The following ATXN1 variants were observed in gnomAD, a reference collection of about 807,000 sequenced individuals.
ATXN1 encodes ataxin 1.
A neutral mutation model predicts 56.4 loss-of-function variants in ATXN1; 8 were observed. The ratio of observed to expected loss-of-function variants is 0.14; its 90% CI spans 0.08 to 0.26. The LOEUF (loss-of-function observed/expected upper bound fraction) is 0.26, where lower values mean the gene tolerates loss of function less well. Ranked by LOEUF, ATXN1 falls within the 10% of genes least tolerant of loss-of-function variation. The pLI is 1.00. For missense variants in ATXN1, 987 were observed against 1,106.5 expected, an observed-to-expected ratio of 0.89 and a Z score of 1.53; for synonymous variants, 514 against 494.6, an observed-to-expected ratio of 1.04 and a Z score of -0.52.
At chr6:16,436,177 C>T (rs776296645) in intron 6 of ATXN1, among the ~76,000 whole-genome samples, 5 of 152,108 alleles carry the variant, frequency 3.3e-5, no homozygotes, top group South Asian at 2.1e-4. Flanking sequence ...GGATTACAGG[C>T]GTGAGCCACC....
At chr6:16,407,872 AC>A (rs1321531964) in intron 6 of ATXN1, among the ~76,000 whole-genome samples, 1 of 152,210 alleles carries the variant, frequency 6.6e-6, no homozygotes, top group Non-Finnish European at 1.5e-5. Context: ...AGAAAAAGAA[AC>A]AGGCAGTGAC....
intron 6 of ATXN1, among the ~76,000 whole-genome samples, chr6:16,404,265 T>C (rs961377380): frequency 6.6e-6 from 1 of 151,922 alleles, no homozygotes; most frequent in African/African-American, 2.4e-5. Flanking sequence ...TCTTGGAGAG[T>C]TCTTTAAAGC....
At chr6:16,349,332 G>T (rs1311977169) in intron 6 of ATXN1, among the ~76,000 whole-genome samples, 1 of 151,672 alleles carries the variant, frequency 6.6e-6, no homozygotes, top group African/African-American at 2.4e-5. Context: ...GTGACATCTT[G>T]TTTCTACTAA....
chr6:16,433,665 GT>G (rs1759332215), intron 6 of ATXN1, among the ~76,000 whole-genome samples: 2 of 152,204 alleles, frequency 1.3e-5, no homozygotes, highest in Admixed American at 1.3e-4. Context: ...GATCCATTCT[GT>G]TTTAAATTCC....
rs1250138161 is a variant in ATXN1 at position 16,328,363 on chromosome 6, T to C, written c.-53A>G. 6.8e-7 allele frequency: 1 copy of C among 1,462,388 alleles called. No individual in the cohort carries two copies. Among genetic ancestry groups the C allele is most frequent in the Non-Finnish European group, 9.0e-7 (1 of 1,112,398 alleles). The allele number at this position is 1,462,388 out of a possible 1,614,324, so 90.6% of individuals were successfully genotyped here. A position where few individuals can be genotyped will look rare whatever the true frequency, so the allele number is the denominator to read the frequency against. On this transcript the variant is annotated 5_prime_UTR_variant, in exon 7 of 8. Coordinates refer to ENST00000436367, the MANE Select transcript of ATXN1 (RefSeq NM_001128164.2). This position sits in a 1 kb window ranked among gnomAD's most constrained non-coding sequence, Gnocchi z 6.2. ...TGTTTCACTGTCTGGATGGCTCTGA[T>C]TTTAGTCTGATAAACGGAAAGTCAC...
Position 16,326,744 on chromosome 6 carries a change from C to G in ATXN1, c.1567G>C (p.Val523Leu), listed in dbSNP as rs1237547562. The change falls in exon 7 of 8, where the codon GTC (valine) becomes CTC (leucine). Residue 523 changes from valine to leucine, a missense_variant. Around this residue, in one of 3 missense-constraint regions of ATXN1, gnomAD observed 723 missense variants for 791.7 expected, o/e 0.91. Transcript: ENST00000436367. This position sits in a 1 kb window ranked among gnomAD's most constrained non-coding sequence, Gnocchi z 6.6. ...TCGCTCTTGGGAAGGGCGGTGGTGACGAACGTGTGAGGCACTGCAGCAAAC... is the reference window on the plus strand; with the variant it reads ...TCGCTCTTGGGAAGGGCGGTGGTGAGGAACGTGTGAGGCACTGCAGCAAAC... The part of the protein sequence containing the change: ...PQFAAVPHTF[V>L]TTALPKSENF... 10 of 1,613,514 alleles carry G rather than the reference C, an allele frequency of 6.2e-6. No individual in the cohort carries two copies. The highest frequency in any genetic ancestry group is 7.6e-6 in the Non-Finnish European group (9 of 1,179,966).
intron 6 of ATXN1, among the ~76,000 whole-genome samples, chr6:16,426,821 T>C (rs768012224): frequency 6.7e-6 from 1 of 149,198 alleles, no homozygotes; most frequent in African/African-American, 2.5e-5. Flanking sequence ...TTTTCCCCCA[T>C]CTCTTAGATG....
At chr6:16,607,311 T>C (rs995209410) in intron 3 of ATXN1, among the ~76,000 whole-genome samples, 1 of 152,228 alleles carries the variant, frequency 6.6e-6, no homozygotes, top group Non-Finnish European at 1.5e-5. Context: ...CCAAGGTCCA[T>C]TCTAGCTCCC....
At chr6:16,544,857 G>GGT (rs1475063613) in intron 4 of ATXN1, among the ~76,000 whole-genome samples, 1 of 152,152 alleles carries the variant, frequency 6.6e-6, no homozygotes, top group Non-Finnish European at 1.5e-5. Flanking sequence ...TTAGGGCAAG[G>GGT]GTGTGTGTAG....
At chr6:16,734,559 G>C (rs1760069264) in intron 2 of ATXN1, among the ~76,000 whole-genome samples, 1 of 152,216 alleles carries the variant, frequency 6.6e-6, no homozygotes, top group African/African-American at 2.4e-5. Context: ...TCAGGCTGGA[G>C]TGTAGTGGTG....
intron 6 of ATXN1, among the ~76,000 whole-genome samples, chr6:16,379,323 G>A (rs1762205359): frequency 6.6e-6 from 1 of 152,170 alleles, no homozygotes; most frequent in African/African-American, 2.4e-5. Context: ...TACTGCTCAG[G>A]TGATGGGTGC....
chr6:16,358,941 G>A (rs755600400), intron 6 of ATXN1, among the ~76,000 whole-genome samples: 8 of 152,180 alleles, frequency 5.3e-5, no homozygotes, highest in Non-Finnish European at 1.0e-4. Flanking sequence ...TGCCCCTTCC[G>A]AGTTGTCAGG....
In ATXN1 at chr6:16,543,837, G is replaced by T. The variant is rs537261731; in HGVS notation, c.-360-21149C>A. ...CATAGGGTCACTAAAGATGCTATTT[G>T]TTGGCTAGATTTGTCCTGGGAGTAC... On this transcript the variant is annotated intron_variant, in intron 4 of 7. Transcript: ENST00000436367. Among the ~76,000 whole-genome samples, 8 of 152,222 alleles carry T rather than the reference G, an allele frequency of 5.3e-5. No homozygotes were observed. The East Asian group carries it at 1.5e-3, about 29-fold the overall frequency.
chr6:16,604,961 A>G (rs1311768937), intron 3 of ATXN1, among the ~76,000 whole-genome samples: 5 of 152,234 alleles, frequency 3.3e-5, no homozygotes, highest in South Asian at 4.1e-4. Context: ...TTCATGTTAT[A>G]TATGTGAATT....
chr6:16,310,100 A>G (rs1760356131), intron 7 of ATXN1, among the ~76,000 whole-genome samples: 1 of 151,906 alleles, frequency 6.6e-6, no homozygotes, highest in African/African-American at 2.4e-5. Flanking sequence ...AACAAAATAC[A>G]TATTATCTCC....
At chr6:16,345,303 G>C (rs773616490) in intron 6 of ATXN1, among the ~76,000 whole-genome samples, 1 of 152,158 alleles carries the variant, frequency 6.6e-6, no homozygotes, top group African/African-American at 2.4e-5. Flanking sequence ...TGTGTGAGAT[G>C]TTAAAGACAC....
At chr6:16,378,335 T>C (rs2113501579) in intron 6 of ATXN1, among the ~76,000 whole-genome samples, 1 of 152,310 alleles carries the variant, frequency 6.6e-6, no homozygotes, top group African/African-American at 2.4e-5. Flanking sequence ...CTTTATAATA[T>C]ACATTATACC....
intron 2 of ATXN1, among the ~76,000 whole-genome samples, chr6:16,724,876 G>A (rs1480706239): frequency 6.6e-6 from 1 of 152,092 alleles, no homozygotes; most frequent in East Asian, 1.9e-4. Flanking sequence ...CAGCACACAG[G>A]TGGCACCTAG....
chr6:16,321,783 G>C (rs533744762), intron 7 of ATXN1, among the ~76,000 whole-genome samples: 1 of 152,316 alleles, frequency 6.6e-6, no homozygotes, highest in East Asian at 1.9e-4. Context: ...CGCTTAGCAT[G>C]AGGTCAGTAC....
Sources: gnomAD v4.1 joint callset for allele counts (sites outside exome capture counted in the v4.1 genomes callset) on GRCh38, gnomAD v4.1.1 for gene constraint, gnomAD v4.1.1 regional missense constraint, Gnocchi (gnomAD v3.1) non-coding constraint, MANE v1.5 for transcripts, NCBI Gene and HGNC (gene_info 2026-07-23, HGNC 2026-07-21) for gene names.